The following PLGRKT variants were observed in gnomAD, a reference collection of about 807,000 sequenced individuals.
PLGRKT encodes plasminogen receptor (KT).
PLGRKT carries 22 observed loss-of-function variants against 18.5 expected under a neutral mutation model. The ratio of observed to expected loss-of-function variants is 1.19; its 90% CI spans 0.85 to 1.70. The LOEUF (loss-of-function observed/expected upper bound fraction) is 1.70, where lower values mean the gene tolerates loss of function less well. Among genes scored for constraint, PLGRKT ranks in the 40% most tolerant of loss-of-function variants. The pLI is 0.00. For synonymous variants in PLGRKT, 72 were observed against 52.8 expected (o/e 1.36, Z -1.58); for missense variants, 235 against 174.4 (o/e 1.35, Z -1.96).
chr9:5,436,973 TA>T (rs3215707), intron 1 of PLGRKT, among the ~76,000 whole-genome samples: 3,081 of 151,618 alleles, frequency 0.02, 51 homozygotes, highest in Non-Finnish European at 0.028. Context: ...TCACCAGGGG[TA>T]AAAAAAAATG....
intron 3 of PLGRKT, among the ~76,000 whole-genome samples, chr9:5,362,304 T>A (rs1470613612): frequency 6.6e-6 from 1 of 152,230 alleles, no homozygotes; most frequent in Admixed American, 6.5e-5. Flanking sequence ...TGAAATTTAT[T>A]TGGAGTATTT....
intron 3 of PLGRKT, chr9:5,392,299 A>G (rs1319614075): frequency 6.6e-6 from 1 of 151,974 alleles, no homozygotes; most frequent in African/African-American, 2.4e-5. Flanking sequence ...GGGTTAATAT[A>G]TTGATATAAA....
At chr9:5,422,266 CA>C (rs1818592761) in intron 3 of PLGRKT, among the ~76,000 whole-genome samples, 1 of 152,066 alleles carries the variant, frequency 6.6e-6, no homozygotes, top group South Asian at 2.1e-4. Flanking sequence ...AAAGGTAAGA[CA>C]ACCAGACCTC....
At chr9:5,361,418 C>G (rs1817262040) in intron 4 of PLGRKT, among the ~76,000 whole-genome samples, 1 of 152,288 alleles carries the variant, frequency 6.6e-6, no homozygotes, top group East Asian at 1.9e-4. Flanking sequence ...TTATTTGACT[C>G]TGAAGCTCAG....
At chr9:5,411,240 C>G (rs146284503) in intron 3 of PLGRKT, among the ~76,000 whole-genome samples, 1 of 151,674 alleles carries the variant, frequency 6.6e-6, no homozygotes, top group Non-Finnish European at 1.5e-5. Flanking sequence ...AAAAATTAGC[C>G]GGGCCACAGT....
chr9:5,427,914 T>A (rs1818734465), intron 3 of PLGRKT, among the ~76,000 whole-genome samples: 1 of 152,160 alleles, frequency 6.6e-6, no homozygotes, highest in Non-Finnish European at 1.5e-5. Flanking sequence ...GAATAAGGGT[T>A]CCTCACTGTC....
intron 3 of PLGRKT, among the ~76,000 whole-genome samples, chr9:5,429,306 C>T (rs772088657): frequency 1.3e-5 from 2 of 152,212 alleles, no homozygotes; most frequent in Non-Finnish European, 2.9e-5. Flanking sequence ...CACTATGAAG[C>T]TCCAGTGAGG....
At chr9:5,431,697 T>C (rs545345296) in intron 3 of PLGRKT, among the ~76,000 whole-genome samples, 200 bp downstream of exon 3, 3 of 152,302 alleles carry the variant, frequency 2.0e-5, no homozygotes, top group Non-Finnish European at 4.4e-5. Flanking sequence ...AATGGAAATT[T>C]TTACACAAAT....
chr9:5,409,442 T>G (rs1442499393), intron 3 of PLGRKT, among the ~76,000 whole-genome samples: 1 of 152,186 alleles, frequency 6.6e-6, no homozygotes. Context: ...TTCTTCAATT[T>G]TGGAACTCGG....
In PLGRKT at chr9:5,411,541, G is replaced by A. The variant is rs10975102; in HGVS notation, c.81+20356C>T. 9.1e-3 allele frequency among the ~76,000 whole-genome samples: 1,379 copies of A among 152,284 alleles called. 6 individuals carry two copies. The highest frequency in any genetic ancestry group is 0.013 in the Non-Finnish European group (896 of 68,028). On this transcript the variant is annotated intron_variant, in intron 3 of 5. Coordinates refer to ENST00000223864, the MANE Select transcript of PLGRKT (RefSeq NM_018465.4). ...TCACTTATCCATGGTTACTGAACCAGTAAGTGATAGAGTCAGGTTCGGACA... is the reference window on the plus strand; with the variant it reads ...TCACTTATCCATGGTTACTGAACCAATAAGTGATAGAGTCAGGTTCGGACA...
intron 3 of PLGRKT, among the ~76,000 whole-genome samples, chr9:5,362,580 A>G (rs887270411): frequency 3.9e-5 from 6 of 152,196 alleles, no homozygotes; most frequent in Admixed American, 6.5e-5. Flanking sequence ...TGACAGAGAA[A>G]AGTGTTGTTG....
At chr9:5,398,721 G>A (rs1428019268) in intron 3 of PLGRKT, among the ~76,000 whole-genome samples, 3 of 151,814 alleles carry the variant, frequency 2.0e-5, no homozygotes, top group Admixed American at 6.5e-5. Flanking sequence ...AAGCTTTGAG[G>A]AAATTATATC....
intron 3 of PLGRKT, among the ~76,000 whole-genome samples, chr9:5,403,310 GC>G (rs1818192584): frequency 6.8e-6 from 1 of 147,336 alleles, no homozygotes; most frequent in South Asian, 2.1e-4. Flanking sequence ...TGCAACCTCT[GC>G]CTCCCGGGTT....
chr9:5,376,556 G>A (rs1817631635), intron 3 of PLGRKT, among the ~76,000 whole-genome samples: 1 of 152,088 alleles, frequency 6.6e-6, no homozygotes, highest in African/African-American at 2.4e-5. Context: ...AATTTAAAAT[G>A]CACCTACTCT....
chr9:5,360,499 A>G (rs887965867), intron 5 of PLGRKT, among the ~76,000 whole-genome samples: 2 of 152,182 alleles, frequency 1.3e-5, no homozygotes, highest in African/African-American at 2.4e-5. Context: ...TCAGGCCATC[A>G]TTTTTCAACC....
chr9:5,408,054 G>A (rs146548473), intron 3 of PLGRKT, among the ~76,000 whole-genome samples: 44 of 152,296 alleles, frequency 2.9e-4, no homozygotes, highest in African/African-American at 1.0e-3. Flanking sequence ...AATTTTCTCT[G>A]AGGGAATAAC....
intron 3 of PLGRKT, among the ~76,000 whole-genome samples, chr9:5,380,496 G>C (rs138961500): frequency 1.3e-5 from 2 of 151,456 alleles, no homozygotes; most frequent in Admixed American, 6.6e-5. Flanking sequence ...ACAATCCTAC[G>C]ATTTGGATGT....
chr9:5,427,956 G>A (rs956871259), intron 3 of PLGRKT, among the ~76,000 whole-genome samples: 1 of 152,164 alleles, frequency 6.6e-6, no homozygotes, highest in Non-Finnish European at 1.5e-5. Context: ...ACAACAAAAG[G>A]TAGGGTTGAA....
At chr9:5,390,892 G>A (rs530658637) in intron 3 of PLGRKT, among the ~76,000 whole-genome samples, 7 of 151,894 alleles carry the variant, frequency 4.6e-5, no homozygotes, top group African/African-American at 1.5e-4. Flanking sequence ...AAAGAAAAAA[G>A]TTCTATTTAC....
Sources: allele counts gnomAD v4.1 joint callset (sites outside exome capture counted in the v4.1 genomes callset), GRCh38; gene constraint gnomAD v4.1.1; transcripts MANE v1.5; gene names NCBI Gene and HGNC (gene_info 2026-07-23, HGNC 2026-07-21).